Variants in SHPRH observed in about 807,000 individuals in gnomAD.
The protein encoded by SHPRH is E3 ubiquitin-protein ligase SHPRH.
In SHPRH, 106 loss-of-function variants were observed where a neutral mutation model predicts 202.5. That is an observed-to-expected ratio of 0.52 (90% CI 0.45 to 0.62). The LOEUF is 0.62. SHPRH is among the 20% of genes least tolerant of loss of function. The pLI is 0.00. For synonymous variants in SHPRH, 729 were observed against 686.0 expected (o/e 1.06, Z -0.98); for missense variants, 1,710 against 2,020.0 (o/e 0.85, Z 2.94).
At chr6:145,881,071 G>A (rs376035737), downstream of SHPRH, among the ~76,000 whole-genome samples, 3 of 152,236 alleles carry the variant, frequency 2.0e-5, no homozygotes, top group South Asian at 6.2e-4. Flanking sequence ...CTATTTTAAA[G>A]CACGCATAAA....
At chr6:145,864,336 G>C (rs934575791) in exon 3 of SHPRH, 1 of 405,134 alleles carries the variant, frequency 2.5e-6, no homozygotes, top group South Asian at 2.0e-5. Context: ...AATTGAAAAA[G>C]ATGATAAAAA....
In SHPRH at chr6:145,958,767, A is replaced by G. The variant is rs139214976; in HGVS notation, c.-32-3413T>C. On this transcript the variant is annotated intron_variant, in intron 1 of 29. Transcript: ENST00000275233. ...AGGGACCAAATATTACAGTGGTTCC[A>G]TAAGGGAGCTGAAAAATTCCTATGG... is the stretch of plus-strand genomic sequence containing the variant. Among the ~76,000 whole-genome samples, 591 of 152,330 alleles carry G rather than the reference A, an allele frequency of 3.9e-3. 3 individuals carry two copies. The highest frequency in any genetic ancestry group is 6.8e-3 in the Middle Eastern group (2 of 294).
Position 145,947,594 on chromosome 6 carries a change from A to G in SHPRH, c.1111T>C (p.Leu371=), listed in dbSNP as rs757319467. ...NSGPQLLGGI[L]ADEMGLGKTV... ...TTTCCAAGACCCATCTCATCTGCTA[A>G]AATTCCACCAAGCAACTGCGGCCCA... Residue 371 remains leucine, a synonymous_variant, in exon 6 of 30, where the codon TTA becomes CTA. Coordinates refer to ENST00000275233, the MANE Select transcript of SHPRH (RefSeq NM_001042683.3). 6.2e-7 allele frequency: 1 copy of G among 1,612,916 alleles called. No individual in the cohort carries two copies.
downstream of SHPRH, chr6:145,883,091 A>C (rs1485564670): frequency 6.6e-6 from 1 of 152,230 alleles, no homozygotes; most frequent in Middle Eastern, 3.2e-3. Flanking sequence ...CCATTTAAAA[A>C]AGGCTGATTT....
chr6:145,957,639 C>G (rs1014619773), intron 1 of SHPRH, among the ~76,000 whole-genome samples: 1 of 152,014 alleles, frequency 6.6e-6, no homozygotes, highest in Non-Finnish European at 1.5e-5. Context: ...CAAATTCAAC[C>G]CACAAATCAC....
chr6:145,881,557 C>T (rs932173320), downstream of SHPRH: 4 of 152,120 alleles, frequency 2.6e-5, no homozygotes, highest in Non-Finnish European at 5.9e-5. Context: ...AAGAATCTGA[C>T]AATATGAAAC....
intron 23 of SHPRH, among the ~76,000 whole-genome samples, chr6:145,916,472 T>C (rs1186914801): frequency 1.3e-5 from 2 of 152,118 alleles, no homozygotes; most frequent in Non-Finnish European, 2.9e-5. Context: ...AATGTATCCA[T>C]TCCCTGTCCT....
chr6:145,878,038 G>A (rs1292460226), intron 2 of SHPRH: 1 of 152,156 alleles, frequency 6.6e-6, no homozygotes, highest in Admixed American at 6.5e-5. Flanking sequence ...CACGGGCCAA[G>A]GTTGTTCATA....
At chr6:145,913,370 C>G (rs2128740349) in intron 24 of SHPRH, 108 bp downstream of exon 24, 1 of 980,360 alleles carries the variant, frequency 1.0e-6, no homozygotes, top group East Asian at 2.6e-5. Context: ...TAATACTTGC[C>G]TTTCATAGAA....
rs547072923 is a variant in SHPRH at position 145,939,568 on chromosome 6, G to A, written c.2569+1155C>T. On this transcript the variant is annotated intron_variant, in intron 11 of 29. Transcript: ENST00000275233. ...GAGAAAAAGTAACTCTGATAGTCAT[G>A]TACTCTTTTCTGTACCCTCTCAGCT... is the stretch of plus-strand genomic sequence containing the variant. Among the ~76,000 whole-genome samples, 14 of 152,188 alleles carry A rather than the reference G, an allele frequency of 9.2e-5. No homozygotes were observed. The South Asian group carries it at 2.7e-3, about 29-fold the overall frequency.
rs1355929709 is a variant in SHPRH at position 145,885,962 on chromosome 6, A to G, written c.*729T>C. On this transcript the variant is annotated 3_prime_UTR_variant, in exon 30 of 30. Coordinates refer to ENST00000275233, the MANE Select transcript of SHPRH (RefSeq NM_001042683.3). ...ATATAAAAACTTTAACAATAAGAAA[A>G]ATTAAGAGTAGGGAAAGCAGATAAT... The G allele has an allele frequency of 6.6e-6, 1 of 152,282 alleles. No individual in the cohort carries two copies. The highest frequency in any genetic ancestry group is 1.9e-4 in the East Asian group (1 of 5,202). 9.4% of individuals were successfully genotyped at this position (152,282 alleles called of 1,614,324 possible).
intron 3 of SHPRH, 99 bp downstream of exon 3, chr6:145,952,250 C>T: frequency 9.5e-7 from 1 of 1,054,990 alleles, no homozygotes; most frequent in Non-Finnish European, 1.3e-6. Context: ...TTTATTATGG[C>T]TTTATTAGCT....
In SHPRH at chr6:145,943,611, T is replaced by G. The variant is rs768871081; in HGVS notation, c.1770A>C (p.Gln590His). 1.1e-5 allele frequency: 17 copies of G among 1,613,740 alleles called. No individual in the cohort carries two copies. Among genetic ancestry groups the G allele is most frequent in the Non-Finnish European group, 1.4e-5 (16 of 1,179,870 alleles). The change falls in exon 9 of 30, where the codon CAA becomes CAC. Residue 590 changes from glutamine (Q) to histidine (H), a missense_variant. This residue lies in a region of SHPRH where 348 missense variants were observed against 356.9 expected (regional missense o/e 0.97). Transcript: ENST00000275233. ...CTTGTGAATCGGGATTGATAAATGG[T>G]TGACTTTTTCCTTTTTTTGTGGATG... ...LVPSTKKGKS[Q>H]PFINPDSQGH...
At chr6:145,886,817 GA>G (rs754919020) in intron 29 of SHPRH, 30 bp from the exon 30 acceptor site, 3 of 1,600,820 alleles carry the variant, frequency 1.9e-6, no homozygotes, top group Non-Finnish European at 8.5e-7. Flanking sequence ...AGCACAGTCA[GA>G]AAGAAACCCC....
chr6:145,926,179 T>C (rs1353827921), intron 16 of SHPRH, 25 bp downstream of exon 16: 8 of 1,596,924 alleles, frequency 5.0e-6, no homozygotes, highest in African/African-American at 1.3e-5. Context: ...TATACTTTTA[T>C]AGACAGAATG....
chr6:145,896,959 A>C (rs1655958381), intron 25 of SHPRH, among the ~76,000 whole-genome samples: 1 of 152,056 alleles, frequency 6.6e-6, no homozygotes, highest in African/African-American at 2.4e-5. Context: ...AATGTTCTAA[A>C]TAAACAACTA....
At chr6:145,909,740 C>A (rs1783320118) in intron 25 of SHPRH, 1 of 150,610 alleles carries the variant, frequency 6.6e-6, no homozygotes, top group Non-Finnish European at 1.5e-5. Context: ...AATTTAGATA[C>A]CGATGTGTCC....
chr6:145,921,124 A>G lies in SHPRH; in HGVS notation c.4008+43T>C, dbSNP rs553819174. ...GTAGCAGTTAAAATTGATGTAAAAA[A>G]GAAGAATTTTTAATTTTGGAAGGAA... On this transcript the variant is annotated intron_variant, in intron 21 of 29. Transcript: ENST00000275233. The G allele has an allele frequency of 9.1e-6, 14 of 1,535,858 alleles. No homozygotes were observed. The Admixed American group carries it at 2.0e-4, about 22-fold the overall frequency.
chr6:145,926,199 A>G lies in SHPRH; in HGVS notation c.3294+5T>C, dbSNP rs1329518634. The G allele has an allele frequency of 1.2e-6, 2 of 1,612,082 alleles. No homozygotes were observed. The highest frequency in any genetic ancestry group is 2.7e-5 in the African/African-American group (2 of 74,832). On this transcript the variant is annotated splice_donor_5th_base_variant and intron_variant, in intron 16 of 29. Coordinates refer to ENST00000275233, the MANE Select transcript of SHPRH (RefSeq NM_001042683.3). Reference sequence around the variant, plus strand: ...TTTTATAGACAGAATGAAAAAAATAATTACCTCTTCCTCAAGTCGGCCATC... The same window carrying G: ...TTTTATAGACAGAATGAAAAAAATAGTTACCTCTTCCTCAAGTCGGCCATC...
Sources: allele counts gnomAD v4.1 joint callset (sites outside exome capture counted in the v4.1 genomes callset), GRCh38; gene constraint gnomAD v4.1.1; regional missense constraint gnomAD v4.1.1; transcripts MANE v1.5; gene names NCBI Gene and HGNC (gene_info 2026-07-23, HGNC 2026-07-21).